Variants in TERB1 observed in about 807,000 individuals in gnomAD.
TERB1 encodes the protein telomere repeat binding bouquet formation protein 1, also known as telomere repeats-binding bouquet formation protein 1.
Under a neutral mutation model 92.3 loss-of-function variants are expected in TERB1, and 63 were observed. The observed-to-expected ratio is 0.68, with a 90% CI of 0.56 to 0.84. The LOEUF is 0.84. Ranked by LOEUF, TERB1 falls within the 40% of genes least tolerant of loss-of-function variation. The probability of loss-of-function intolerance (pLI) is 0.00; values close to 1 mark genes in which losing one functional copy is unlikely to be tolerated. For synonymous variants in TERB1, 252 were observed against 283.9 expected (o/e 0.89, Z 1.13); for missense variants, 709 against 843.7 (o/e 0.84, Z 1.98).
At chr16:66,760,130 C>CAAAAAAAAAA (rs148772308) in intron 16 of TERB1, among the ~76,000 whole-genome samples, 26 of 23,318 alleles carry the variant, frequency 1.1e-3, no homozygotes, top group South Asian at 4.3e-3. Flanking sequence ...GACTCCATCT[C>CAAAAAAAAAA]AAAAAAAAAA....
chr16:66,797,787 A>G (rs1434098517), intron 2 of TERB1, among the ~76,000 whole-genome samples: 1 of 152,042 alleles, frequency 6.6e-6, no homozygotes, highest in Non-Finnish European at 1.5e-5. Flanking sequence ...AGCTCAAGCA[A>G]TCCACCCACC....
At chr16:66,775,025 C>T in intron 12 of TERB1, 93 bp downstream of exon 12, 1 of 1,310,506 alleles carries the variant, frequency 7.6e-7, no homozygotes, top group South Asian at 1.3e-5. Context: ...TAAGAAGAAT[C>T]TGAGAGCTAT....
At position 66,770,044 on chromosome 16, in the gene TERB1, G is replaced by C. The variant is rs1422386820; in HGVS notation, c.1538C>G (p.Thr513Ser). 6.4e-7 allele frequency: 1 copy of C among 1,551,768 alleles called. No individual in the cohort carries two copies. Among genetic ancestry groups the C allele is most frequent in the East Asian group, 2.4e-5 (1 of 40,920 alleles). ...ACYRESEQNKTLYKAKSSCNQ... is the reference protein window; with the variant it reads ...ACYRESEQNKSLYKAKSSCNQ... ...GCAGCTTGACTTGGCTTTATATAAAGTCTTATTTTGCTCACTCTCCCTGTA... is the reference window on the plus strand; with the variant it reads ...GCAGCTTGACTTGGCTTTATATAAACTCTTATTTTGCTCACTCTCCCTGTA... The change falls in exon 14 of 19, where the codon ACT becomes AGT. Residue 513 changes from threonine (T) to serine (S), a missense_variant. Coordinates refer to ENST00000433154, the MANE Select transcript of TERB1 (RefSeq NM_001136505.2).
intron 16 of TERB1, among the ~76,000 whole-genome samples, chr16:66,762,751 T>C (rs1011357557): frequency 7.3e-5 from 11 of 151,280 alleles, no homozygotes; most frequent in Non-Finnish European, 8.8e-5. Flanking sequence ...TGGCATGATC[T>C]CAGCTCACTA....
intron 14 of TERB1, among the ~76,000 whole-genome samples, chr16:66,769,543 T>C (rs752065668): frequency 6.6e-6 from 1 of 152,200 alleles, no homozygotes; most frequent in Non-Finnish European, 1.5e-5. Context: ...CAAACCAAAT[T>C]TTCTTCACAT....
intron 18 of TERB1, among the ~76,000 whole-genome samples, chr16:66,756,134 T>C (rs904772956): frequency 1.3e-5 from 2 of 152,230 alleles, no homozygotes; most frequent in Admixed American, 6.5e-5. Context: ...TATTATCTCA[T>C]CTTATCAATG....
At position 66,789,440 on chromosome 16, in the gene TERB1, C is replaced by G. The variant is rs565269400; in HGVS notation, c.272-1143G>C. Among the ~76,000 whole-genome samples the G allele has an allele frequency of 5.8e-3, 444 of 77,176 alleles. 57 individuals carry two copies. The highest frequency in any genetic ancestry group is 5.2e-3 in the Non-Finnish European group (223 of 43,008). 50.6% of individuals were successfully genotyped at this position (77,176 alleles called of 152,430 possible). On this transcript the variant is annotated intron_variant, in intron 5 of 18. Transcript: ENST00000433154. Reference sequence around the variant, plus strand: ...TCTACTAAAAATACAAAAAATTAGCCGGGCGTGGTAGCGGGCGCCTGTAGT... The same window carrying G: ...TCTACTAAAAATACAAAAAATTAGCGGGGCGTGGTAGCGGGCGCCTGTAGT...
chr16:66,777,143 A>AG, intron 11 of TERB1, 60 bp downstream of exon 11: 1 of 1,419,624 alleles, frequency 7.0e-7, no homozygotes, highest in Non-Finnish European at 9.3e-7. Flanking sequence ...AAAAAAAAAA[A>AG]CAGAAGTATA....
At chr16:66,770,408 T>C in intron 13 of TERB1, 99 bp from the exon 14 acceptor site, 1 of 799,598 alleles carries the variant, frequency 1.3e-6, no homozygotes. Flanking sequence ...AAAAAGTTTA[T>C]GATTGCCAAT....
intron 16 of TERB1, among the ~76,000 whole-genome samples, chr16:66,763,198 T>C (rs1331071530): frequency 2.0e-5 from 3 of 151,890 alleles, no homozygotes; most frequent in Non-Finnish European, 4.4e-5. Flanking sequence ...CTTGCACTCC[T>C]GGGCTCAAGC....
chr16:66,794,274 A>T (rs924223468), intron 3 of TERB1, among the ~76,000 whole-genome samples: 1 of 151,192 alleles, frequency 6.6e-6, no homozygotes, highest in Non-Finnish European at 1.5e-5. Flanking sequence ...TAATTTTTAT[A>T]TTTTTTGTAT....
rs2018187086 is a variant in TERB1 at position 66,759,182 on chromosome 16, C to A, written c.1889G>T (p.Arg630Ile). The A allele has an allele frequency of 1.3e-6, 2 of 1,549,398 alleles. No individual in the cohort carries two copies. Among genetic ancestry groups the A allele is most frequent in the African/African-American group, 1.4e-5 (1 of 72,956 alleles). ...RHKVIVEAEDRYKSELRKSLI... is the reference protein window; with the variant it reads ...RHKVIVEAEDIYKSELRKSLI... Reference sequence around the variant, plus strand: ...TGATTTCCTTAGTTCACTTTTATATCTGTCTTCAGCTTCCACAATGACTTT... The same window carrying A: ...TGATTTCCTTAGTTCACTTTTATATATGTCTTCAGCTTCCACAATGACTTT... The change falls in exon 17 of 19, where the codon AGA (arginine) becomes ATA (isoleucine). Residue 630 changes from arginine to isoleucine, a missense_variant. Arg to Ile is a moderately conservative substitution (Grantham distance 97). Coordinates refer to ENST00000433154, the MANE Select transcript of TERB1 (RefSeq NM_001136505.2).
chr16:66,769,520 A>G (rs1288215238), intron 14 of TERB1, among the ~76,000 whole-genome samples: 1 of 152,214 alleles, frequency 6.6e-6, no homozygotes, highest in Non-Finnish European at 1.5e-5. Flanking sequence ...GGGAACAAAC[A>G]AAAGGGCAAA....
intron 16 of TERB1, among the ~76,000 whole-genome samples, chr16:66,767,105 G>A (rs1209507097): frequency 2.0e-5 from 3 of 151,134 alleles, no homozygotes; most frequent in African/African-American, 7.3e-5. Context: ...GAGGCAGGCA[G>A]ATCATTTGAG....
intron 2 of TERB1, among the ~76,000 whole-genome samples, chr16:66,800,764 T>A (rs1458852457): frequency 2.0e-5 from 3 of 151,842 alleles, no homozygotes; most frequent in African/African-American, 7.3e-5. Flanking sequence ...GTTTAAACGG[T>A]CAAGAAATAA....
intron 16 of TERB1, among the ~76,000 whole-genome samples, chr16:66,760,286 C>T (rs1299850456): frequency 7.0e-6 from 1 of 142,622 alleles, no homozygotes; most frequent in Non-Finnish European, 1.5e-5. Context: ...TGGCGAAACC[C>T]CATCTCTACT....
At chr16:66,777,431 T>C (rs535328751) in intron 10 of TERB1, 97 bp from the exon 11 acceptor site, 85 of 636,408 alleles carry the variant, frequency 1.3e-4, no homozygotes, top group Non-Finnish European at 1.9e-4. Context: ...GGCAGAATGT[T>C]ATATATCTAT....
intron 9 of TERB1, among the ~76,000 whole-genome samples, chr16:66,781,262 G>A (rs997414758): frequency 6.6e-6 from 1 of 152,106 alleles, no homozygotes; most frequent in African/African-American, 2.4e-5. Flanking sequence ...TCACTACGTT[G>A]CCCAGTCTGG....
intron 5 of TERB1, among the ~76,000 whole-genome samples, chr16:66,788,912 T>C (rs1348729023): frequency 6.6e-6 from 1 of 151,256 alleles, no homozygotes; most frequent in Non-Finnish European, 1.5e-5. Context: ...ACAAACATCA[T>C]GTTCTCACTT....
Sources: allele counts gnomAD v4.1 joint callset (sites outside exome capture counted in the v4.1 genomes callset), GRCh38; gene constraint gnomAD v4.1.1; transcripts MANE v1.5; gene names NCBI Gene and HGNC (gene_info 2026-07-23, HGNC 2026-07-21).